TLN2: variants seen among roughly 807,000 people sequenced by gnomAD.
TLN2 encodes the protein talin 2.
A neutral mutation model predicts 294.7 loss-of-function variants in TLN2; 118 were observed. The observed-to-expected ratio is 0.40, with a 90% CI of 0.34 to 0.47. TLN2 has a LOEUF of 0.47. Ranked by LOEUF, TLN2 falls within the 20% of genes least tolerant of loss-of-function variation. The pLI, the probability that TLN2 is intolerant of heterozygous loss-of-function variation, is 0.84. For synonymous variants in TLN2, 1,431 were observed against 1,304.5 expected (o/e 1.10, Z -2.09); for missense variants, 3,083 against 3,282.2 (o/e 0.94, Z 1.48).
At chr15:62,778,874 A>G (rs1222460144) in intron 43 of TLN2, among the ~76,000 whole-genome samples, 1 of 151,842 alleles carries the variant, frequency 6.6e-6, no homozygotes, top group Non-Finnish European at 1.5e-5. Context: ...GCACCACACA[A>G]CACCTCTTCC....
chr15:62,791,103 C>T (rs753833497), intron 45 of TLN2, among the ~76,000 whole-genome samples: 35 of 151,866 alleles, frequency 2.3e-4, no homozygotes, highest in Non-Finnish European at 3.4e-4. Context: ...CCAAGGTGGG[C>T]GGATCACTTG....
chr15:62,594,939 C>G (rs961417268), intron 2 of TLN2, among the ~76,000 whole-genome samples: 1 of 151,986 alleles, frequency 6.6e-6, no homozygotes, highest in Non-Finnish European at 1.5e-5. Flanking sequence ...ATGAAGAACT[C>G]AAACAATAGT....
intron 16 of TLN2, among the ~76,000 whole-genome samples, chr15:62,700,590 G>A (rs2058653408): frequency 6.6e-6 from 1 of 152,152 alleles, no homozygotes; most frequent in Non-Finnish European, 1.5e-5. Context: ...ACCAGGAAAG[G>A]TCTTACCGTC....
rs750372670 is a variant in TLN2 at position 62,707,169 on chromosome 15, C to G, written c.2088C>G (p.Ala696=). ...AGGCAAAGAATGTTGCCCAAGTGGCCGAAGACACTGTCCTACAGAACAGGG... is the reference window on the plus strand; with the variant it reads ...AGGCAAAGAATGTTGCCCAAGTGGCGGAAGACACTGTCCTACAGAACAGGG... The part of the protein sequence containing the change: ...VLKAKNVAQV[A]EDTVLQNRVI... The change falls in exon 20 of 59, where the codon GCC becomes GCG. Residue 696 remains alanine (A), a synonymous_variant. Transcript: ENST00000636159. 1.7e-5 allele frequency: 28 copies of G among 1,614,016 alleles called. 1 individual carries two copies. The South Asian group carries it at 3.1e-4, about 18-fold the overall frequency.
chr15:62,534,388 G>A (rs766131059), intron 1 of TLN2, among the ~76,000 whole-genome samples: 13 of 152,050 alleles, frequency 8.5e-5, no homozygotes, highest in Non-Finnish European at 1.5e-4. Flanking sequence ...CACCCTTTTC[G>A]GACTCAATTT....
intron 11 of TLN2, among the ~76,000 whole-genome samples, chr15:62,677,675 T>C (rs994454583): frequency 7.9e-5 from 12 of 152,082 alleles, no homozygotes; most frequent in African/African-American, 2.9e-4. Context: ...GACTTTTTTT[T>C]CCTTTCTTCC....
intron 1 of TLN2, among the ~76,000 whole-genome samples, chr15:62,455,665 G>C (rs369528464): frequency 3.9e-5 from 6 of 152,198 alleles, no homozygotes; most frequent in African/African-American, 1.4e-4. Flanking sequence ...CTCACAGTTT[G>C]TTCCCAGGTG....
intron 11 of TLN2, among the ~76,000 whole-genome samples, chr15:62,678,999 ATTAT>A (rs1567331982): frequency 4.0e-5 from 6 of 150,498 alleles, no homozygotes. Context: ...TGTAGCTATG[ATTAT>A]TTATCCTATA....
At chr15:62,716,215 G>C in intron 22 of TLN2, 116 bp from the exon 23 acceptor site, 1 of 1,194,258 alleles carries the variant, frequency 8.4e-7, no homozygotes, top group South Asian at 2.7e-5. Flanking sequence ...TATTGCTTGT[G>C]GCATTTGACT....
At chr15:62,790,239 A>G (rs948791723) in intron 45 of TLN2, among the ~76,000 whole-genome samples, 1 of 152,204 alleles carries the variant, frequency 6.6e-6, no homozygotes, top group African/African-American at 2.4e-5. Flanking sequence ...TATTGGGTCA[A>G]AGATACACAT....
chr15:62,826,580 A>G (rs1037846316), intron 54 of TLN2, among the ~76,000 whole-genome samples: 1 of 152,152 alleles, frequency 6.6e-6, no homozygotes, highest in South Asian at 2.1e-4. Context: ...AAGCCACCCC[A>G]TCCATGGGTC....
intron 28 of TLN2, among the ~76,000 whole-genome samples, chr15:62,734,672 C>T (rs1045368738): frequency 6.6e-6 from 1 of 152,210 alleles, no homozygotes; most frequent in Non-Finnish European, 1.5e-5. Context: ...TTTTATTCTG[C>T]CAGCTGTACT....
intron 36 of TLN2, chr15:62,754,847 C>T (rs2062139590): frequency 6.6e-6 from 1 of 152,232 alleles, no homozygotes. Context: ...GAGCCAGACA[C>T]CTCAGTAGGT....
At chr15:62,598,024 C>T (rs1420619280) in intron 2 of TLN2, among the ~76,000 whole-genome samples, 2 of 152,098 alleles carry the variant, frequency 1.3e-5, no homozygotes, top group Non-Finnish European at 2.9e-5. Flanking sequence ...GGAGAATCAC[C>T]CCAGGCTGTC....
At chr15:62,462,965 A>G (rs2036892864) in intron 1 of TLN2, among the ~76,000 whole-genome samples, 1 of 151,930 alleles carries the variant, frequency 6.6e-6, no homozygotes, top group Non-Finnish European at 1.5e-5. Flanking sequence ...ACAGCGCCAA[A>G]CTCTCTAGAG....
intron 29 of TLN2, 152 bp downstream of exon 29, chr15:62,737,238 C>A: frequency 1.3e-6 from 1 of 772,198 alleles, no homozygotes; most frequent in Non-Finnish European, 2.1e-6. Flanking sequence ...GCTGGCCATA[C>A]ATGATACTCA....
intron 1 of TLN2, among the ~76,000 whole-genome samples, chr15:62,515,537 T>G (rs1262576690): frequency 6.6e-6 from 1 of 152,216 alleles, no homozygotes; most frequent in Non-Finnish European, 1.5e-5. Flanking sequence ...TAGTAAACTT[T>G]GTGATGAGTG....
intron 1 of TLN2, among the ~76,000 whole-genome samples, chr15:62,540,661 T>G (rs558000494): frequency 1.2e-4 from 18 of 151,958 alleles, no homozygotes; most frequent in Non-Finnish European, 2.4e-4. Flanking sequence ...AGTGGGAGTT[T>G]TAGGAGTGGT....
rs567056115 is a variant in TLN2 at position 62,424,175 on chromosome 15, T to G, written c.-238+33490T>G. Among the ~76,000 whole-genome samples, 64 of 152,284 alleles carry G rather than the reference T, an allele frequency of 4.2e-4. 2 individuals are homozygous for G. Among genetic ancestry groups the G allele is most frequent in the Admixed American group, 3.2e-3 (49 of 15,302 alleles). On this transcript the variant is annotated intron_variant, in intron 1 of 58. Coordinates refer to ENST00000636159, the MANE Select transcript of TLN2 (RefSeq NM_015059.3). ...GTGGGTTGTGGTGGGATTGAGACAT[T>G]GCATATATGAGGCACATAGCATGGA...
Sources: gnomAD v4.1 joint callset for allele counts (sites outside exome capture counted in the v4.1 genomes callset) on GRCh38, gnomAD v4.1.1 for gene constraint, MANE v1.5 for transcripts, NCBI Gene and HGNC (gene_info 2026-07-23, HGNC 2026-07-21) for gene names.